Variants in EXOC1 observed in about 807,000 individuals in gnomAD.
EXOC1 encodes SEC3-like 1.
Under a neutral mutation model 107.7 loss-of-function variants are expected in EXOC1, and 67 were observed. That is an observed-to-expected ratio of 0.62 (90% confidence interval 0.51 to 0.76). EXOC1 has a LOEUF of 0.76. Among genes scored for constraint, EXOC1 ranks in the 30% least tolerant of loss-of-function variants. EXOC1 has a pLI of 0.00. For missense variants in EXOC1, 833 were observed against 1,055.7 expected (o/e 0.79, Z 2.92); for synonymous variants, 348 against 353.5 (o/e 0.98, Z 0.17).
rs146050323 is a variant in EXOC1, at chr4:55,886,163, A to G, written c.1330+2235A>G. ...AACTCTAGGCTAATGTGTTTTCACCATGTTTAAGGTAGGCTAGGCCTCTGG... is the reference window on the plus strand; with the variant it reads ...AACTCTAGGCTAATGTGTTTTCACCGTGTTTAAGGTAGGCTAGGCCTCTGG... On this transcript the variant is annotated intron_variant, in intron 10 of 18. Coordinates refer to ENST00000381295, the MANE Select transcript of EXOC1 (RefSeq NM_001024924.2). Among the ~76,000 whole-genome samples the G allele has an allele frequency of 7.8e-3, 1,185 of 152,308 alleles. 7 individuals carry two copies. The highest frequency in any genetic ancestry group is 0.027 in the African/African-American group (1,111 of 41,570).
chr4:55,890,974 C>T (rs980490491), intron 12 of EXOC1, among the ~76,000 whole-genome samples: 1 of 152,252 alleles, frequency 6.6e-6, no homozygotes. Context: ...GTGATCTGCC[C>T]GCTTTGGCCT....
chr4:55,876,535 T>G (rs1722909825), intron 8 of EXOC1: 1 of 947,644 alleles, frequency 1.1e-6, no homozygotes. Context: ...AAGCTTAGTC[T>G]GAGTTTTCAG....
chr4:55,856,417 T>A (rs1720975796), intron 1 of EXOC1, among the ~76,000 whole-genome samples: 3 of 152,174 alleles, frequency 2.0e-5, no homozygotes, highest in Admixed American at 2.0e-4. Flanking sequence ...GACTAGAGGC[T>A]GAGATGAAGT....
In EXOC1 at chr4:55,902,412, T is replaced by G. The variant is rs1726064121; in HGVS notation, c.2406T>G (p.Leu802=). 6.3e-7 allele frequency: 1 copy of G among 1,584,460 alleles called. No homozygotes were observed. The highest frequency in any genetic ancestry group is 8.6e-7 in the Non-Finnish European group (1 of 1,167,692). Residue 802 remains leucine (L), a synonymous_variant, in exon 18 of 19, where the codon CTT becomes CTG. Transcript: ENST00000381295. ...GIREEEVSYQ[L]AFNKQELRKV... The stretch of plus-strand genomic sequence containing the variant: ...GGGAGGAGGAAGTAAGTTACCAACT[T>G]GCATTTAACAAACAAGAACTTCGTA...
At position 55,867,661 on chromosome 4, in the gene EXOC1, A is replaced by G. The variant is rs557621010; in HGVS notation, c.416-675A>G. Reference sequence around the variant, plus strand: ...AAGCATGAAGCCTGTTTAACTTTTTATAATTTCAAACAGCCATGTTGTTGT... The same window carrying G: ...AAGCATGAAGCCTGTTTAACTTTTTGTAATTTCAAACAGCCATGTTGTTGT... On this transcript the variant is annotated intron_variant, in intron 4 of 18. Transcript: ENST00000381295. 2.2e-4 allele frequency among the ~76,000 whole-genome samples: 34 copies of G among 151,556 alleles called. 1 individual carries two copies. In the South Asian group the frequency reaches 6.5e-3, roughly 29 times the overall value.
In EXOC1 at chr4:55,858,367, C is replaced by T; in HGVS notation, c.44C>T (p.Pro15Leu). The change falls in exon 2 of 19, where the codon CCA (proline) becomes CTA (leucine). Residue 15 changes from proline to leucine, a missense_variant. Physicochemically the swap from Pro to Leu is moderately conservative, Grantham distance 98. Coordinates refer to ENST00000381295, the MANE Select transcript of EXOC1 (RefSeq NM_001024924.2). ...GCATTACAAAGAGACATTTTTACAC[C>T]AAATGATGAACGCCTGCTGAGCATT... is the stretch of plus-strand genomic sequence containing the variant. The part of the protein sequence containing the change: ...KHALQRDIFT[P>L]NDERLLSIVN... 1.2e-6 allele frequency: 2 copies of T among 1,609,546 alleles called. No homozygotes were observed. The highest frequency in any genetic ancestry group is 1.7e-6 in the Non-Finnish European group (2 of 1,177,998).
rs183013534 is a variant in EXOC1, at chr4:55,866,904, C to T, written c.416-1432C>T. 2.5e-5 allele frequency: 25 copies of T among 984,998 alleles called. 1 individual carries two copies. In the Admixed American group the frequency reaches 1.4e-3, roughly 56 times the overall value. 61.0% of individuals were successfully genotyped at this position (984,998 alleles called of 1,614,324 possible). Reference sequence around the variant, plus strand: ...TAAAGTTACAGAAGGTGCGTAACACCTTTTCTTCTTCTATTCCATATGTTT... The same window carrying T: ...TAAAGTTACAGAAGGTGCGTAACACTTTTTCTTCTTCTATTCCATATGTTT... On this transcript the variant is annotated intron_variant, in intron 4 of 18. Transcript: ENST00000381295.
In EXOC1 at chr4:55,899,022, C is replaced by A. The variant is rs556473562; in HGVS notation, c.2138-663C>A. On this transcript the variant is annotated intron_variant, in intron 16 of 18. Transcript: ENST00000381295. ...GTCAGTTTAGTGCTATGAGCAGTTG[C>A]ATTACAGCTGTACCAATGCTGGGTT... Among the ~76,000 whole-genome samples, 4 of 152,254 alleles carry A rather than the reference C, an allele frequency of 2.6e-5. No individual in the cohort carries two copies. In the South Asian group the frequency reaches 8.3e-4, roughly 32 times the overall value.
intron 8 of EXOC1, chr4:55,875,642 G>A: frequency 1.0e-6 from 1 of 985,272 alleles, no homozygotes; most frequent in Non-Finnish European, 1.2e-6. Flanking sequence ...TTGAATCATT[G>A]AGAAAAATTA....
intron 8 of EXOC1, chr4:55,876,854 C>T: frequency 1.0e-6 from 1 of 985,052 alleles, no homozygotes; most frequent in Non-Finnish European, 1.2e-6. Context: ...TATATTCTCA[C>T]ATGAAGAAAA....
rs1200181887 is a variant in EXOC1 at position 55,868,472 on chromosome 4, T to C, written c.552T>C (p.Asn184=). The change falls in exon 5 of 19, where the codon AAT becomes AAC. Residue 184 remains asparagine, a synonymous_variant. Coordinates refer to ENST00000381295, the MANE Select transcript of EXOC1 (RefSeq NM_001024924.2). The part of the protein sequence containing the change: ...MMEGCEYAIS[N]AEAFAEKLSR... The stretch of plus-strand genomic sequence containing the variant: ...AAGGCTGTGAATATGCAATCTCGAA[T>C]GCGGAAGCCTTTGCAGAAAAATTGT... The C allele has an allele frequency of 6.2e-7, 1 of 1,613,928 alleles. No individual in the cohort carries two copies. The highest frequency in any genetic ancestry group is 1.1e-5 in the South Asian group (1 of 91,082).
intron 5 of EXOC1, 159 bp downstream of exon 5, chr4:55,868,682 C>G (rs1722167767): frequency 1.9e-6 from 1 of 520,678 alleles, no homozygotes; most frequent in Non-Finnish European, 3.1e-6. Flanking sequence ...TTTTACTGTT[C>G]TTGTTCAAAA....
In EXOC1 at chr4:55,899,928, T is replaced by C. The variant is rs373528516; in HGVS notation, c.2337+44T>C. The C allele has an allele frequency of 7.2e-6, 11 of 1,518,362 alleles. No individual in the cohort carries two copies. In the Admixed American group the frequency reaches 7.7e-5, roughly 11 times the overall value. 94.1% of individuals were successfully genotyped at this position (1,518,362 alleles called of 1,614,324 possible). A position where few individuals can be genotyped will look rare whatever the true frequency, so the allele number is the denominator to read the frequency against. On this transcript the variant is annotated intron_variant, in intron 17 of 18. Transcript: ENST00000381295. ...AGTATTTTTCCTACTTTTGAACCTATACACATAAGTTTGCATATGAATAAC... is the reference window on the plus strand; with the variant it reads ...AGTATTTTTCCTACTTTTGAACCTACACACATAAGTTTGCATATGAATAAC...
intron 8 of EXOC1, chr4:55,876,889 C>T (rs1422627498): frequency 2.0e-6 from 2 of 985,034 alleles, no homozygotes; most frequent in African/African-American, 1.7e-5. Flanking sequence ...GATTTGAAAA[C>T]ATTTATGAAG....
intron 6 of EXOC1, 72 bp downstream of exon 6, chr4:55,870,977 T>C (rs2110335566): frequency 1.9e-6 from 3 of 1,548,864 alleles, no homozygotes. Context: ...TAAACATTTT[T>C]TAATTTCCTT....
intron 16 of EXOC1, 134 bp from the exon 17 acceptor site, chr4:55,899,551 A>G (rs1168650818): frequency 4.1e-6 from 3 of 724,086 alleles, no homozygotes; most frequent in Non-Finnish European, 6.6e-6. Context: ...TCCCATTACA[A>G]TATATTGTAT....
At position 55,858,301 on chromosome 4, in the gene EXOC1, C is replaced by G. The variant is rs756616252; in HGVS notation, c.-10-13C>G. On this transcript the variant is annotated splice_polypyrimidine_tract_variant and intron_variant, in intron 1 of 18. Coordinates refer to ENST00000381295, the MANE Select transcript of EXOC1 (RefSeq NM_001024924.2). ...TGAGGGTGAGCTTAATATCTATACT[C>G]CACATTTTTCAGCTGAGAAAAGATG... is the stretch of plus-strand genomic sequence containing the variant. The G allele has an allele frequency of 1.9e-6, 3 of 1,594,616 alleles. No homozygotes were observed. In the African/African-American group the frequency reaches 4.1e-5, roughly 22 times the overall value.
At chr4:55,878,212 A>C in intron 9 of EXOC1, 146 bp downstream of exon 9, 1 of 922,264 alleles carries the variant, frequency 1.1e-6, no homozygotes, top group East Asian at 2.7e-5. Flanking sequence ...ACCAGTGATA[A>C]CATTCATTTT....
chr4:55,857,007 C>G (rs1220642665), intron 1 of EXOC1, among the ~76,000 whole-genome samples: 1 of 151,902 alleles, frequency 6.6e-6, no homozygotes, highest in Non-Finnish European at 1.5e-5. Flanking sequence ...TCCCGAAAAC[C>G]ACTTATATTT....
Sources: gnomAD v4.1 joint callset for allele counts (sites outside exome capture counted in the v4.1 genomes callset) on GRCh38, gnomAD v4.1.1 for gene constraint, MANE v1.5 for transcripts, NCBI Gene and HGNC (gene_info 2026-07-23, HGNC 2026-07-21) for gene names.